Variants in EEF1E1 observed in about 807,000 individuals in gnomAD.
EEF1E1 encodes the protein eukaryotic translation elongation factor 1 epsilon-1.
Under a neutral mutation model 19.9 loss-of-function variants are expected in EEF1E1, and 19 were observed. The ratio of observed to expected loss-of-function variants is 0.95; its 90% confidence interval spans 0.66 to 1.40. The LOEUF (loss-of-function observed/expected upper bound fraction) is 1.40. Among genes scored for constraint, EEF1E1 ranks in the 40% most tolerant of loss-of-function variants. EEF1E1 has a pLI of 0.00. For synonymous variants in EEF1E1, 81 were observed against 80.0 expected (o/e 1.01, Z -0.07); for missense variants, 198 against 202.2 (o/e 0.98, Z 0.13).
chr6:8,077,013 G>A (rs1474912208), downstream of EEF1E1, among the ~76,000 whole-genome samples: 2 of 149,052 alleles, frequency 1.3e-5, no homozygotes, highest in East Asian at 2.0e-4. Context: ...CAGCGATCTC[G>A]GCTCACTGCA....
intron 1 of EEF1E1, 109 bp downstream of exon 1, chr6:8,102,326 G>T: frequency 8.7e-7 from 1 of 1,154,380 alleles, no homozygotes; most frequent in Non-Finnish European, 1.2e-6. Context: ...GAGCTGGGTA[G>T]CAGCATCCTC....
chr6:8,079,793 G>T lies in EEF1E1; in HGVS notation c.*97C>A. On this transcript the variant is annotated 3_prime_UTR_variant, in exon 4 of 4. Coordinates refer to ENST00000379715, the MANE Select transcript of EEF1E1 (RefSeq NM_004280.5). The stretch of plus-strand genomic sequence containing the variant: ...AATTCTATCAACTTCAACAAATAAT[G>T]AATGACTGTATATTAATTTACATTA... 4 of 1,389,488 alleles carry T rather than the reference G, an allele frequency of 2.9e-6. No individual in the cohort carries two copies. The highest frequency in any genetic ancestry group is 2.0e-5 in the South Asian group (1 of 49,194). The allele number at this position is 1,389,488 out of a possible 1,614,324, so 86.1% of individuals were successfully genotyped here.
intron 3 of EEF1E1, among the ~76,000 whole-genome samples, chr6:8,086,915 A>G (rs1306501202): frequency 4.6e-5 from 7 of 152,206 alleles, no homozygotes; most frequent in African/African-American, 1.7e-4. Flanking sequence ...AGAGATTTTC[A>G]AAGAATTACA....
downstream of EEF1E1, chr6:8,078,875 TGC>T: frequency 9.3e-7 from 1 of 1,078,126 alleles, no homozygotes. Flanking sequence ...TATGATTGAC[TGC>T]TTTGTTTAAA....
At chr6:8,099,776 ACACACAC>A (rs1256747142) in intron 1 of EEF1E1, among the ~76,000 whole-genome samples, 5 of 124,880 alleles carry the variant, frequency 4.0e-5, no homozygotes, top group African/African-American at 1.7e-4. Context: ...ACACACACAC[ACACACAC>A]ACACACACAA....
chr6:8,074,558 G>A (rs1233523891), downstream of EEF1E1, among the ~76,000 whole-genome samples: 2 of 152,182 alleles, frequency 1.3e-5, no homozygotes, highest in Admixed American at 6.5e-5. Flanking sequence ...GGCCAGGGGT[G>A]GGACAGACTT....
intron 3 of EEF1E1, 122 bp from the exon 4 acceptor site, chr6:8,080,152 A>C: frequency 9.5e-7 from 1 of 1,053,666 alleles, no homozygotes; most frequent in Non-Finnish European, 1.4e-6. Context: ...AGAGCTCTCA[A>C]AAGCCAACAT....
chr6:8,083,093 T>C (rs2113640063), intron 3 of EEF1E1, among the ~76,000 whole-genome samples: 1 of 152,338 alleles, frequency 6.6e-6, no homozygotes, highest in Non-Finnish European at 1.5e-5. Flanking sequence ...TTCTGCCTAA[T>C]AATTCCTTTT....
In EEF1E1 at chr6:8,079,938, C is replaced by T. The variant is rs1469096446; in HGVS notation, c.477G>A (p.Leu159=). 1.9e-6 allele frequency: 3 copies of T among 1,613,314 alleles called. No homozygotes were observed. The highest frequency in any genetic ancestry group is 2.5e-6 in the Non-Finnish European group (3 of 1,179,938). ...TGTTCTTGATGAAGACAACACTAGACAGATGTTGCCTGATGCCTGGATAAT... is the reference window on the plus strand; with the variant it reads ...TGTTCTTGATGAAGACAACACTAGATAGATGTTGCCTGATGCCTGGATAAT... ...IQHYPGIRQH[L]SSVVFIKNRL... is the part of the protein sequence containing the mutation. The change falls in exon 4 of 4, where the codon CTG becomes CTA. Residue 159 remains leucine, a synonymous_variant. Transcript: ENST00000379715.
chr6:8,096,337 A>G (rs1758174047), intron 2 of EEF1E1, among the ~76,000 whole-genome samples: 1 of 152,220 alleles, frequency 6.6e-6, no homozygotes, highest in African/African-American at 2.4e-5. Flanking sequence ...AATGCTGTGA[A>G]TAGTAGGGGC....
At chr6:8,077,179 G>A (rs1757620189), downstream of EEF1E1, among the ~76,000 whole-genome samples, 1 of 152,078 alleles carries the variant, frequency 6.6e-6, no homozygotes, top group Non-Finnish European at 1.5e-5. Flanking sequence ...TCCTGACCTC[G>A]TGATCCGCCC....
At chr6:8,097,187 C>T in intron 2 of EEF1E1, 80 bp downstream of exon 2, 1 of 1,414,692 alleles carries the variant, frequency 7.1e-7, no homozygotes, top group South Asian at 1.2e-5. Flanking sequence ...AGGCCAACAG[C>T]TACAGCTTTT....
chr6:8,090,795 A>C (rs370371608), intron 2 of EEF1E1, among the ~76,000 whole-genome samples: 1 of 152,196 alleles, frequency 6.6e-6, no homozygotes, highest in African/African-American at 2.4e-5. Context: ...GTCATAGACT[A>C]TATGTACTTT....
intron 3 of EEF1E1, among the ~76,000 whole-genome samples, chr6:8,081,107 T>C (rs754973405): frequency 6.6e-6 from 1 of 152,266 alleles, no homozygotes; most frequent in Non-Finnish European, 1.5e-5. Flanking sequence ...TATTTTCTCA[T>C]TAAATGTTTA....
intron 2 of EEF1E1, among the ~76,000 whole-genome samples, chr6:8,093,324 C>CTTTTTTTTTTTTTTTTTTTTTTTTTTTT (rs57000456): frequency 7.4e-6 from 1 of 135,054 alleles, no homozygotes; most frequent in African/African-American, 2.7e-5. Context: ...CATTCGCTTC[C>CTTTTTTTTTTTTTTTTTTTTTTTTTTTT]TTTTTTTTTT....
intron 1 of EEF1E1, among the ~76,000 whole-genome samples, chr6:8,099,791 C>CACACACACAAAAA (rs768224090): frequency 3.5e-5 from 4 of 114,624 alleles, no homozygotes; most frequent in African/African-American, 1.3e-4. Context: ...CACACACACA[C>CACACACACAAAAA]AAAAAAAAAA....
intron 1 of EEF1E1, chr6:8,101,657 C>A: frequency 1.0e-6 from 1 of 959,366 alleles, no homozygotes; most frequent in South Asian, 1.7e-5. Context: ...AAACATATAT[C>A]CAAAGTAGTC....
Position 8,079,473 on chromosome 6 carries a change from C to T in EEF1E1, c.*417G>A. The T allele has an allele frequency of 1.0e-6, 1 of 988,604 alleles. No individual in the cohort carries two copies. The highest frequency in any genetic ancestry group is 1.2e-6 in the Non-Finnish European group (1 of 831,392). 61.2% of individuals were successfully genotyped at this position (988,604 alleles called of 1,614,324 possible). Reference sequence around the variant, plus strand: ...CTGTCTTCCCTTTTGGCTTCCTTGGCACAATTTATCAGTTCTTAACAAACT... The same window carrying T: ...CTGTCTTCCCTTTTGGCTTCCTTGGTACAATTTATCAGTTCTTAACAAACT... On this transcript the variant is annotated 3_prime_UTR_variant, in exon 4 of 4. Coordinates refer to ENST00000379715, the MANE Select transcript of EEF1E1 (RefSeq NM_004280.5).
rs147699034 is a variant in EEF1E1 at position 8,089,198 on chromosome 6, C to CT, written c.384+987_384+988insA. Among the ~76,000 whole-genome samples, 272 of 152,050 alleles carry CT rather than the reference C, an allele frequency of 1.8e-3. 3 individuals are homozygous for CT. The highest frequency in any genetic ancestry group is 6.3e-3 in the African/African-American group (261 of 41,496). On this transcript the variant is annotated intron_variant, in intron 3 of 3. Coordinates refer to ENST00000379715, the MANE Select transcript of EEF1E1 (RefSeq NM_004280.5). ...TAGCTGAAGTTACACAAAAGGGGGT[C>CT]AGGTTGGGTGGGGAAGAAAGTATAC...
Sources: gnomAD v4.1 joint callset for allele counts (sites outside exome capture counted in the v4.1 genomes callset) on GRCh38, gnomAD v4.1.1 for gene constraint, MANE v1.5 for transcripts, NCBI Gene and HGNC (gene_info 2026-07-23, HGNC 2026-07-21) for gene names.